The following CADPS2 variants were observed in gnomAD, a reference collection of about 807,000 sequenced individuals.
CADPS2 encodes the protein calcium-dependent secretion activator 2.
Under a neutral mutation model 172.5 loss-of-function variants are expected in CADPS2, and 93 were observed. That is an observed-to-expected ratio of 0.54 (90% CI 0.46 to 0.64). CADPS2 has a LOEUF of 0.64. CADPS2 is among the 30% of genes least tolerant of loss of function. The pLI is 0.00. For synonymous variants in CADPS2, 546 were observed against 555.2 expected, an observed-to-expected ratio of 0.98 and a Z score of 0.23; for missense variants, 1,420 against 1,565.9, an observed-to-expected ratio of 0.91 and a Z score of 1.57.
chr7:122,377,103 C>T (rs1585405734), intron 25 of CADPS2, among the ~76,000 whole-genome samples: 1 of 152,028 alleles, frequency 6.6e-6, no homozygotes, highest in East Asian at 1.9e-4. Flanking sequence ...TAACCTAGTG[C>T]TGATTTCTAA....
chr7:122,878,907 A>C (rs1288691281), intron 1 of CADPS2, among the ~76,000 whole-genome samples: 1 of 152,148 alleles, frequency 6.6e-6, no homozygotes, highest in Non-Finnish European at 1.5e-5. Flanking sequence ...AAATTGGGCC[A>C]TAACACTTAG....
chr7:122,343,024 C>A (rs1261961079), intron 28 of CADPS2, among the ~76,000 whole-genome samples: 1 of 152,148 alleles, frequency 6.6e-6, no homozygotes, highest in African/African-American at 2.4e-5. Context: ...TTAAGATACA[C>A]ATTCTACTTT....
chr7:122,666,912 C>T (rs544722146), intron 2 of CADPS2, among the ~76,000 whole-genome samples: 8 of 152,244 alleles, frequency 5.3e-5, no homozygotes, highest in South Asian at 4.2e-4. Flanking sequence ...TGCAACACTT[C>T]GGTGAACTAC....
chr7:122,706,628 GTATA>G (rs139124770), intron 2 of CADPS2, among the ~76,000 whole-genome samples: 2 of 145,486 alleles, frequency 1.4e-5, no homozygotes, highest in African/African-American at 5.0e-5. Flanking sequence ...GTGTGTGTGT[GTATA>G]TATATATAGT....
Position 122,663,342 on chromosome 7 carries a change from A to C in CADPS2, c.681T>G (p.Ser227Arg), listed in dbSNP as rs374955906. 5.6e-6 allele frequency: 9 copies of C among 1,613,786 alleles called. No individual in the cohort carries two copies. The Admixed American group carries it at 1.5e-4, about 27-fold the overall frequency. The change falls in exon 3 of 30, where the codon AGT becomes AGG. Residue 227 changes from serine (S) to arginine (R), a missense_variant. Transcript: ENST00000449022. The stretch of plus-strand genomic sequence containing the variant: ...TGCTCAGAATAAGTTCAGACACTGC[A>C]CTTAGGGCCATTCTATTTGGCTGTT... ...LCKQPNRMAL[S>R]AVSELILSKE...
intron 6 of CADPS2, among the ~76,000 whole-genome samples, chr7:122,595,509 T>C (rs938017973): frequency 1.3e-5 from 2 of 152,046 alleles, no homozygotes; most frequent in African/African-American, 2.4e-5. Context: ...CTTAATTGCT[T>C]ACATTTAAAA....
At chr7:122,431,382 TATA>T (rs2049885746) in intron 17 of CADPS2, among the ~76,000 whole-genome samples, 1 of 152,090 alleles carries the variant, frequency 6.6e-6, no homozygotes, top group Non-Finnish European at 1.5e-5. Flanking sequence ...TGTGTTGGAT[TATA>T]ATAAGCGCTG....
intron 28 of CADPS2, among the ~76,000 whole-genome samples, chr7:122,327,855 G>A (rs942298773): frequency 4.6e-5 from 7 of 151,926 alleles, no homozygotes; most frequent in Non-Finnish European, 1.0e-4. Flanking sequence ...AAATGTTTAA[G>A]CTATTTATCA....
chr7:122,588,300 T>C (rs537378504), intron 6 of CADPS2, among the ~76,000 whole-genome samples: 1 of 151,888 alleles, frequency 6.6e-6, no homozygotes, highest in African/African-American at 2.4e-5. Context: ...TGGTATTGCC[T>C]ACATTTTCTT....
intron 8 of CADPS2, among the ~76,000 whole-genome samples, chr7:122,516,206 T>C (rs555452027): frequency 6.6e-6 from 1 of 152,116 alleles, no homozygotes; most frequent in East Asian, 1.9e-4. Context: ...TTCACTGGTA[T>C]GAAAGCAGTT....
At chr7:122,802,184 C>T (rs945554250) in intron 1 of CADPS2, among the ~76,000 whole-genome samples, 2 of 152,172 alleles carry the variant, frequency 1.3e-5, no homozygotes, top group East Asian at 1.9e-4. Context: ...GGACTCTATA[C>T]TGTAAATGTG....
At chr7:122,538,263 A>G (rs1325623782) in intron 8 of CADPS2, among the ~76,000 whole-genome samples, 1 of 151,686 alleles carries the variant, frequency 6.6e-6, no homozygotes, top group South Asian at 2.1e-4. Flanking sequence ...AGAACAGTGA[A>G]GAAAAAAATT....
chr7:122,351,413 A>G (rs2038617355), intron 27 of CADPS2, among the ~76,000 whole-genome samples: 1 of 144,904 alleles, frequency 6.9e-6, no homozygotes, highest in Non-Finnish European at 1.5e-5. Context: ...ATTCCAAACT[A>G]TTATTTCAAG....
At chr7:122,513,561 A>G (rs1368865500) in intron 8 of CADPS2, among the ~76,000 whole-genome samples, 1 of 152,232 alleles carries the variant, frequency 6.6e-6, no homozygotes, top group Non-Finnish European at 1.5e-5. Flanking sequence ...AAATTGAGCA[A>G]AGTAGGAATT....
At chr7:122,649,594 G>A (rs187379344) in intron 3 of CADPS2, among the ~76,000 whole-genome samples, 179 of 152,304 alleles carry the variant, frequency 1.2e-3, no homozygotes, top group African/African-American at 4.1e-3. Flanking sequence ...TCATTCTAAT[G>A]TGCATACAAA....
chr7:122,870,145 G>C (rs1819375713), intron 1 of CADPS2, among the ~76,000 whole-genome samples: 1 of 151,756 alleles, frequency 6.6e-6, no homozygotes, highest in African/African-American at 2.4e-5. Flanking sequence ...CTGATCAAAA[G>C]ACATCAAACA....
At chr7:122,473,512 C>T (rs1009893306) in intron 13 of CADPS2, among the ~76,000 whole-genome samples, 4 of 152,088 alleles carry the variant, frequency 2.6e-5, no homozygotes, top group Non-Finnish European at 5.9e-5. Context: ...TGCAAATATT[C>T]CAAAATCTGA....
At chr7:122,494,287 C>A (rs935628686) in intron 9 of CADPS2, among the ~76,000 whole-genome samples, 6 of 152,102 alleles carry the variant, frequency 3.9e-5, no homozygotes, top group African/African-American at 1.4e-4. Flanking sequence ...TTCCTTTGGT[C>A]TAGCAAGGAA....
intron 27 of CADPS2, among the ~76,000 whole-genome samples, chr7:122,356,081 T>C (rs1282620484): frequency 2.0e-5 from 3 of 152,226 alleles, no homozygotes; most frequent in African/African-American, 7.2e-5. Context: ...ACAATATTAT[T>C]AACTGAAGTG....
Sources: gnomAD v4.1 joint callset for allele counts (sites outside exome capture counted in the v4.1 genomes callset) on GRCh38, gnomAD v4.1.1 for gene constraint, MANE v1.5 for transcripts, NCBI Gene and HGNC (gene_info 2026-07-23, HGNC 2026-07-21) for gene names.